Variants in AOPEP observed in about 807,000 individuals in gnomAD.
The protein encoded by AOPEP is aminopeptidase O (putative), also known as aminopeptidase O.
AOPEP carries 77 observed loss-of-function variants against 98.1 expected under a neutral mutation model. The observed-to-expected ratio is 0.78, with a 90% CI of 0.65 to 0.95. The LOEUF (loss-of-function observed/expected upper bound fraction) is 0.95. AOPEP is among the 40% of genes least tolerant of loss of function. The pLI is 0.00. For missense variants in AOPEP, 1,024 were observed against 1,024.7 expected (o/e 1.00, Z 0.01); for synonymous variants, 346 against 365.3 (o/e 0.95, Z 0.60).
chr9:95,023,748 G>A (rs2133231427), intron 13 of AOPEP, among the ~76,000 whole-genome samples: 1 of 152,278 alleles, frequency 6.6e-6, no homozygotes, highest in Admixed American at 6.5e-5. Context: ...TTATTCTTGT[G>A]TGGAATTGGC....
intron 7 of AOPEP, among the ~76,000 whole-genome samples, chr9:94,937,818 TTA>T (rs1162426160): frequency 6.6e-6 from 1 of 152,254 alleles, no homozygotes; most frequent in Admixed American, 6.5e-5. Flanking sequence ...GTCATTCTTT[TTA>T]TGTTTACCAC....
chr9:94,922,231 C>G (rs183167254), intron 5 of AOPEP, among the ~76,000 whole-genome samples: 35 of 152,288 alleles, frequency 2.3e-4, no homozygotes, highest in African/African-American at 6.0e-4. Context: ...GCAGGCAGGT[C>G]CCCGGACAGT....
chr9:94,880,658 A>G (rs780862133), intron 5 of AOPEP, among the ~76,000 whole-genome samples: 19 of 152,254 alleles, frequency 1.2e-4, no homozygotes, highest in Admixed American at 3.9e-4. Flanking sequence ...ACCTGGTCCC[A>G]TTGTTTCCAT....
At chr9:95,042,299 G>A (rs1381250805) in intron 13 of AOPEP, among the ~76,000 whole-genome samples, 2 of 146,690 alleles carry the variant, frequency 1.4e-5, no homozygotes, top group Admixed American at 6.8e-5. Flanking sequence ...GCAACGGAGC[G>A]AGACTCTGTC....
At chr9:95,133,289 T>C in the AOPEP span, among the ~76,000 whole-genome samples, 88 of 152,344 alleles carry the variant, frequency 5.8e-4, no homozygotes, top group Non-Finnish European at 1.0e-3. Flanking sequence ...TGTATTGTAA[T>C]TACGTCCTTG....
chr9:95,091,822 G>A (rs1042150969), downstream of AOPEP, among the ~76,000 whole-genome samples: 10 of 152,158 alleles, frequency 6.6e-5, no homozygotes, highest in African/African-American at 1.9e-4. Flanking sequence ...GGAAACCACC[G>A]TAAAGCCACA....
chr9:95,061,988 G>A (rs1288567900), intron 14 of AOPEP, among the ~76,000 whole-genome samples: 3 of 152,184 alleles, frequency 2.0e-5, no homozygotes, highest in Non-Finnish European at 4.4e-5. Flanking sequence ...TCAGGGTGGA[G>A]TACCACCAAA....
At chr9:94,902,586 A>G (rs1040237311) in intron 5 of AOPEP, among the ~76,000 whole-genome samples, 2 of 152,192 alleles carry the variant, frequency 1.3e-5, no homozygotes, top group African/African-American at 4.8e-5. Context: ...TTCTTCTGCA[A>G]AGATGTGTTC....
chr9:94,887,350 AAATAATAAT>A (rs372787659), intron 5 of AOPEP, among the ~76,000 whole-genome samples: 13 of 150,700 alleles, frequency 8.6e-5, no homozygotes, highest in Admixed American at 2.6e-4. Flanking sequence ...CCTGTCTCCA[AAATAATAAT>A]AATAATAATA....
chr9:94,789,929 A>G (rs925281117), intron 3 of AOPEP, among the ~76,000 whole-genome samples: 3 of 151,338 alleles, frequency 2.0e-5, no homozygotes, highest in African/African-American at 7.3e-5. Context: ...GCGGGAGTGC[A>G]GTGGCGCAAT....
chr9:95,017,941 A>T (rs2063144684), intron 13 of AOPEP, among the ~76,000 whole-genome samples: 1 of 152,210 alleles, frequency 6.6e-6, no homozygotes, highest in African/African-American at 2.4e-5. Flanking sequence ...TTTGAGCTCC[A>T]GTGGTGTTGC....
intron 13 of AOPEP, among the ~76,000 whole-genome samples, chr9:95,026,199 T>G (rs922238643): frequency 3.9e-5 from 6 of 152,214 alleles, no homozygotes; most frequent in African/African-American, 1.4e-4. Flanking sequence ...ATATATATGT[T>G]TTTAACAACT....
At chr9:94,796,876 T>G (rs1383276646) in intron 4 of AOPEP, among the ~76,000 whole-genome samples, 1 of 152,198 alleles carries the variant, frequency 6.6e-6, no homozygotes, top group East Asian at 1.9e-4. Context: ...TTCTTTAACC[T>G]CTTGAGGCCT....
At chr9:95,138,423 C>T in the AOPEP span, among the ~76,000 whole-genome samples, 3 of 152,146 alleles carry the variant, frequency 2.0e-5, no homozygotes, top group South Asian at 6.2e-4. Flanking sequence ...GGTTCCTGTC[C>T]AGTAATCATG....
Position 95,060,802 on chromosome 9 carries a change from G to A in AOPEP, c.2224G>A (p.Asp742Asn). ...LQRTYHLQDQDAEVRHRWCEL... is the reference protein window; with the variant it reads ...LQRTYHLQDQNAEVRHRWCEL... ...GAGGACATACCACCTCCAGGATCAG[G>A]ATGCAGAGGTAACCAGGAACACTCT... The change falls in exon 14 of 17, where the codon GAT (aspartate) becomes AAT (asparagine). Residue 742 changes from aspartate (D) to asparagine (N), a missense_variant. Around this residue, in one of 3 missense-constraint regions of AOPEP, gnomAD observed 566 missense variants for 551.7 expected, o/e 1.03. Transcript: ENST00000375315. 1.2e-6 allele frequency: 2 copies of A among 1,603,412 alleles called. No individual in the cohort carries two copies. The highest frequency in any genetic ancestry group is 1.7e-6 in the Non-Finnish European group (2 of 1,170,198).
chr9:94,879,181 A>G (rs1384895036), intron 5 of AOPEP, among the ~76,000 whole-genome samples: 1 of 152,222 alleles, frequency 6.6e-6, no homozygotes, highest in African/African-American at 2.4e-5. Flanking sequence ...CTAAACTACA[A>G]TTTCTAATCT....
intron 5 of AOPEP, among the ~76,000 whole-genome samples, chr9:94,803,821 C>T (rs570547085): frequency 6.6e-6 from 1 of 152,270 alleles, no homozygotes; most frequent in East Asian, 1.9e-4. Context: ...TGAGAAAAAT[C>T]ACTAGTTTGC....
intron 5 of AOPEP, among the ~76,000 whole-genome samples, chr9:94,895,976 A>G (rs1335761740): frequency 6.6e-6 from 1 of 152,230 alleles, no homozygotes; most frequent in Admixed American, 6.5e-5. Flanking sequence ...TATGTTATAA[A>G]GCCTAAAATA....
the AOPEP span, among the ~76,000 whole-genome samples, chr9:95,143,768 CA>C: frequency 6.6e-6 from 1 of 152,192 alleles, no homozygotes; most frequent in South Asian, 2.1e-4. Flanking sequence ...TCCAGACTTA[CA>C]AAAGGACCTC....
Sources: allele counts gnomAD v4.1 joint callset (sites outside exome capture counted in the v4.1 genomes callset), GRCh38; gene constraint gnomAD v4.1.1; regional missense constraint gnomAD v4.1.1; transcripts MANE v1.5; gene names NCBI Gene and HGNC (gene_info 2026-07-23, HGNC 2026-07-21).